Variants in RIC1 observed in about 807,000 individuals in gnomAD.
RIC1 encodes RIC1 partner of RAB6A GEF complex.
Under a neutral mutation model 169.0 loss-of-function variants are expected in RIC1, and 88 were observed. That is an observed-to-expected ratio of 0.52 (90% CI 0.44 to 0.62). The LOEUF (loss-of-function observed/expected upper bound fraction) is 0.62. Among genes scored for constraint, RIC1 ranks in the 20% least tolerant of loss-of-function variants. RIC1 has a pLI of 0.00. For missense variants in RIC1, 1,877 were observed against 1,725.5 expected (o/e 1.09, Z -1.56); for synonymous variants, 790 against 601.5 (o/e 1.31, Z -4.59).
intron 15 of RIC1, among the ~76,000 whole-genome samples, chr9:5,755,335 C>G (rs1825942288): frequency 6.6e-6 from 1 of 152,176 alleles, no homozygotes; most frequent in South Asian, 2.1e-4. Context: ...GTTAATAGTA[C>G]TGAACCCTAT....
intron 4 of RIC1, 50 bp downstream of exon 4, chr9:5,714,053 T>TC: frequency 8.3e-7 from 1 of 1,202,896 alleles, no homozygotes; most frequent in South Asian, 1.4e-5. Flanking sequence ...GTAGACAATG[T>TC]AGTTCGTAAA....
chr9:5,756,735 G>A (rs1429758354), intron 16 of RIC1, among the ~76,000 whole-genome samples: 1 of 152,130 alleles, frequency 6.6e-6, no homozygotes, highest in Admixed American at 6.5e-5. Context: ...CTTTAAGACT[G>A]TAGGAAGCAT....
chr9:5,673,110 T>G (rs561350571), intron 2 of RIC1, among the ~76,000 whole-genome samples: 3 of 152,188 alleles, frequency 2.0e-5, no homozygotes, highest in Admixed American at 2.0e-4. Flanking sequence ...TAAACAAGTT[T>G]AGACAAGAAA....
chr9:5,677,009 G>C (rs1346974242), intron 2 of RIC1, among the ~76,000 whole-genome samples: 1 of 152,200 alleles, frequency 6.6e-6, no homozygotes, highest in African/African-American at 2.4e-5. Flanking sequence ...TCTTTGTATG[G>C]ATGCGTATTT....
chr9:5,759,440 T>C (rs913582265), intron 17 of RIC1, among the ~76,000 whole-genome samples: 1 of 152,178 alleles, frequency 6.6e-6, no homozygotes, highest in Non-Finnish European at 1.5e-5. Context: ...AAGGAGTGAA[T>C]CTTCTAGATT....
intron 4 of RIC1, among the ~76,000 whole-genome samples, chr9:5,718,858 A>G (rs1344667667): frequency 6.6e-6 from 1 of 152,180 alleles, no homozygotes; most frequent in Admixed American, 6.5e-5. Flanking sequence ...CAGTATTTTT[A>G]TAGTTGGGGA....
chr9:5,694,262 T>A (rs970986276), intron 3 of RIC1, among the ~76,000 whole-genome samples: 2 of 152,214 alleles, frequency 1.3e-5, no homozygotes, highest in African/African-American at 2.4e-5. Flanking sequence ...TGACAAGAGA[T>A]CTGAATTAGT....
Position 5,774,214 on chromosome 9 carries a change from C to G in RIC1, c.4240C>G (p.Gln1414Glu), listed in dbSNP as rs1827447990. 6.2e-7 allele frequency: 1 copy of G among 1,612,934 alleles called. No individual in the cohort carries two copies. The highest frequency in any genetic ancestry group is 1.1e-5 in the South Asian group (1 of 90,882). The change falls in exon 26 of 26, where the codon CAG becomes GAG. Residue 1414 changes from glutamine to glutamate, a missense_variant. Gln to Glu is a conservative substitution (Grantham distance 29). Coordinates refer to ENST00000414202, the MANE Select transcript of RIC1 (RefSeq NM_020829.4). ...CCAAGCAGAGGAGGAAGAACCTTTT[C>G]AGGATGGGACTTACGACTGTTCTGT... is the stretch of plus-strand genomic sequence containing the variant. ...TAQAEEEEPFQDGTYDCSVS is the reference protein window; with the variant it reads ...TAQAEEEEPFEDGTYDCSVS
At chr9:5,636,539 C>T (rs913638476) in intron 1 of RIC1, among the ~76,000 whole-genome samples, 27 of 152,006 alleles carry the variant, frequency 1.8e-4, no homozygotes, top group Admixed American at 1.3e-4. Flanking sequence ...AGGCTGGTAT[C>T]GATTCCTGAC....
chr9:5,638,987 C>G (rs1441584658), intron 1 of RIC1, among the ~76,000 whole-genome samples: 4 of 152,192 alleles, frequency 2.6e-5, no homozygotes, highest in Admixed American at 2.6e-4. Context: ...GCAATCTCGT[C>G]TCACTGTAGC....
chr9:5,763,364 A>G lies in RIC1; in HGVS notation c.2337A>G (p.Leu779=), dbSNP rs1007838756. 1 of 1,614,160 alleles carries G rather than the reference A, an allele frequency of 6.2e-7. No individual in the cohort carries two copies. The highest frequency in any genetic ancestry group is 1.7e-5 in the Admixed American group (1 of 60,018). ...CTTTCCACATCAACATTTACCCGCT[A>G]GCTGTTCTGTTTGAAGATGCTTTAG... is the stretch of plus-strand genomic sequence containing the variant. ...MLPFHINIYP[L]AVLFEDALVL... is the part of the protein sequence containing the mutation. Residue 779 remains leucine (L), a synonymous_variant, in exon 19 of 26, where the codon CTA becomes CTG. Coordinates refer to ENST00000414202, the MANE Select transcript of RIC1 (RefSeq NM_020829.4). The surrounding 1 kb of genome is among the most constrained non-coding windows in gnomAD (Gnocchi z 5.2).
chr9:5,740,148 C>G (rs950531211), intron 8 of RIC1, among the ~76,000 whole-genome samples: 2 of 152,184 alleles, frequency 1.3e-5, no homozygotes, highest in African/African-American at 4.8e-5. Context: ...TTCCTTGATT[C>G]TCCACATATG....
chr9:5,761,339 C>T (rs1363539948), intron 17 of RIC1, among the ~76,000 whole-genome samples: 2 of 151,754 alleles, frequency 1.3e-5, no homozygotes, highest in Non-Finnish European at 2.9e-5. Context: ...GTCTTGAACT[C>T]CTGACCTCGT....
intron 2 of RIC1, among the ~76,000 whole-genome samples, chr9:5,661,215 C>T (rs991410388): frequency 1.1e-4 from 17 of 152,244 alleles, no homozygotes; most frequent in African/African-American, 4.1e-4. Flanking sequence ...GTGCCAGTAC[C>T]ATGCTGTTTT....
At chr9:5,745,588 A>T (rs1361630686) in intron 10 of RIC1, among the ~76,000 whole-genome samples, 1 of 152,136 alleles carries the variant, frequency 6.6e-6, no homozygotes, top group African/African-American at 2.4e-5. Context: ...TGTCTTCTGT[A>T]AGGAATTTCT....
intron 17 of RIC1, among the ~76,000 whole-genome samples, chr9:5,761,209 G>C (rs888955925): frequency 6.7e-6 from 1 of 148,800 alleles, no homozygotes; most frequent in African/African-American, 2.5e-5. Context: ...CGTCTCCCGG[G>C]TTCAAGTGAT....
chr9:5,680,141 A>C (rs1055062244), intron 2 of RIC1, among the ~76,000 whole-genome samples: 5 of 152,266 alleles, frequency 3.3e-5, no homozygotes, highest in African/African-American at 1.2e-4. Flanking sequence ...GCTGGATTAC[A>C]TTTATTGATT....
Position 5,629,314 on chromosome 9 carries a change from A to G in RIC1, c.5A>G (p.Tyr2Cys). 6.6e-7 allele frequency: 1 copy of G among 1,522,094 alleles called. No individual in the cohort carries two copies. Among genetic ancestry groups the G allele is most frequent in the Non-Finnish European group, 8.8e-7 (1 of 1,141,438 alleles). The allele number at this position is 1,522,094 out of a possible 1,614,324, so 94.3% of individuals were successfully genotyped here. A position where few individuals can be genotyped will look rare whatever the true frequency, so the allele number is the denominator to read the frequency against. The change falls in exon 1 of 26, where the codon TAT becomes TGT. Residue 2 changes from tyrosine to cysteine, a missense_variant. Coordinates refer to ENST00000414202, the MANE Select transcript of RIC1 (RefSeq NM_020829.4). M[Y>C]FLSGWPKRLL... The stretch of plus-strand genomic sequence containing the variant: ...GCCGGGGGCTCCGCACGGACCATGT[A>G]TTTTCTGAGCGGCTGGCCCAAGAGG...
chr9:5,745,025 C>A (rs1185484100), intron 10 of RIC1, among the ~76,000 whole-genome samples: 2 of 152,124 alleles, frequency 1.3e-5, no homozygotes, highest in Non-Finnish European at 2.9e-5. Flanking sequence ...ACCAAGGACC[C>A]CTTCTGATGT....
Sources: gnomAD v4.1 joint callset for allele counts (sites outside exome capture counted in the v4.1 genomes callset) on GRCh38, gnomAD v4.1.1 for gene constraint, Gnocchi (gnomAD v3.1) non-coding constraint, MANE v1.5 for transcripts, NCBI Gene and HGNC (gene_info 2026-07-23, HGNC 2026-07-21) for gene names.